The following ITGA9 variants were observed in gnomAD, a reference collection of about 807,000 sequenced individuals.
ITGA9 encodes the protein integrin subunit alpha 9.
Under a neutral mutation model 127.8 loss-of-function variants are expected in ITGA9, and 56 were observed. The observed-to-expected ratio is 0.44, with a 90% CI of 0.35 to 0.55. The LOEUF (loss-of-function observed/expected upper bound fraction) is 0.55. Ranked by LOEUF, ITGA9 falls within the 20% of genes least tolerant of loss-of-function variation. The probability of loss-of-function intolerance (pLI) is 0.00; values close to 1 mark genes in which losing one functional copy is unlikely to be tolerated. For missense variants in ITGA9, 1,196 were observed against 1,347.1 expected, an observed-to-expected ratio of 0.89 and a Z score of 1.76; for synonymous variants, 508 against 514.5, an observed-to-expected ratio of 0.99 and a Z score of 0.17.
chr3:37,664,100 G>A (rs1575184863), intron 17 of ITGA9, among the ~76,000 whole-genome samples: 1 of 152,270 alleles, frequency 6.6e-6, no homozygotes, highest in East Asian at 1.9e-4. Flanking sequence ...GTTAAAGCTT[G>A]GAATGTCTGA....
chr3:37,736,572 C>T (rs1696365362), intron 19 of ITGA9, among the ~76,000 whole-genome samples: 1 of 152,118 alleles, frequency 6.6e-6, no homozygotes, highest in Admixed American at 6.5e-5. Flanking sequence ...GAACAAATAT[C>T]CCAGGTGATG....
At chr3:37,638,683 C>T (rs907806435) in intron 16 of ITGA9, among the ~76,000 whole-genome samples, 4 of 152,162 alleles carry the variant, frequency 2.6e-5, no homozygotes, top group African/African-American at 9.7e-5. Flanking sequence ...CTTTAAATGC[C>T]TTGATCTCTT....
intron 3 of ITGA9, among the ~76,000 whole-genome samples, chr3:37,481,090 G>C (rs775351259): frequency 6.6e-6 from 1 of 152,038 alleles, no homozygotes; most frequent in Non-Finnish European, 1.5e-5. Context: ...CCTTTCTCAC[G>C]ATGTATCCTT....
intron 18 of ITGA9, among the ~76,000 whole-genome samples, chr3:37,730,116 T>G (rs2125527336): frequency 6.6e-6 from 1 of 152,332 alleles, no homozygotes; most frequent in African/African-American, 2.4e-5. Flanking sequence ...GAAACAGAGT[T>G]AGGTAAGCAT....
At chr3:37,699,512 C>T (rs936679423) in intron 18 of ITGA9, among the ~76,000 whole-genome samples, 1 of 152,178 alleles carries the variant, frequency 6.6e-6, no homozygotes, top group African/African-American at 2.4e-5. Flanking sequence ...CCATTGGTTC[C>T]ATCTTGGTCC....
chr3:37,812,127 G>T (rs1047102096), intron 27 of ITGA9, among the ~76,000 whole-genome samples: 2 of 152,182 alleles, frequency 1.3e-5, no homozygotes, highest in Non-Finnish European at 2.9e-5. Flanking sequence ...CCATGTGCTT[G>T]CACACACACC....
At chr3:37,676,795 T>C (rs1575188974) in intron 17 of ITGA9, among the ~76,000 whole-genome samples, 1 of 152,348 alleles carries the variant, frequency 6.6e-6, no homozygotes, top group East Asian at 1.9e-4. Flanking sequence ...CCTACACATA[T>C]CTACTTGCCT....
chr3:37,750,297 C>T lies in ITGA9; in HGVS notation c.2434-165C>T, dbSNP rs1696566702. Reference sequence around the variant, plus strand: ...AAGTGTTTCTATTTTGTTGAAATTTCCCGTCATTCAGTAGTTCACTTTACT... The same window carrying T: ...AAGTGTTTCTATTTTGTTGAAATTTTCCGTCATTCAGTAGTTCACTTTACT... On this transcript the variant is annotated intron_variant, in intron 22 of 27. Transcript: ENST00000264741. Among the ~76,000 whole-genome samples, 6 of 152,332 alleles carry T rather than the reference C, an allele frequency of 3.9e-5. No homozygotes were observed. The South Asian group carries it at 1.2e-3, about 32-fold the overall frequency.
chr3:37,474,157 C>T (rs544985453), intron 3 of ITGA9, among the ~76,000 whole-genome samples: 9 of 152,148 alleles, frequency 5.9e-5, no homozygotes, highest in East Asian at 3.9e-4. Context: ...TATTTTGATC[C>T]GTAGGTGCTT....
At position 37,452,825 on chromosome 3, in the gene ITGA9, G is replaced by T. The variant is rs1698210796; in HGVS notation, c.185+266G>T. Among the ~76,000 whole-genome samples, 1 of 152,156 alleles carries T rather than the reference G, an allele frequency of 6.6e-6. No homozygotes were observed. The highest frequency in any genetic ancestry group is 1.5e-5 in the Non-Finnish European group (1 of 68,006). ...TGGGGTCCCAGCCCAGAGCGTGGGG[G>T]GAGAGCCGCTAGAGTTGTCTCCTCC... On this transcript the variant is annotated intron_variant, in intron 1 of 27. Coordinates refer to ENST00000264741, the MANE Select transcript of ITGA9 (RefSeq NM_002207.3). This position sits in a 1 kb window ranked among gnomAD's most constrained non-coding sequence, Gnocchi z 7.3.
chr3:37,707,604 A>T (rs968198062), intron 18 of ITGA9, among the ~76,000 whole-genome samples: 48 of 152,214 alleles, frequency 3.2e-4, no homozygotes, highest in African/African-American at 1.1e-3. Context: ...AGGCGATGTC[A>T]GGATCACCTG....
At chr3:37,599,018 T>C (rs1484762172) in intron 15 of ITGA9, among the ~76,000 whole-genome samples, 2 of 152,060 alleles carry the variant, frequency 1.3e-5, no homozygotes, top group Non-Finnish European at 2.9e-5. Flanking sequence ...TGAAAGCAAA[T>C]GTGGTGAGAA....
At chr3:37,760,264 A>G (rs911700872) in intron 23 of ITGA9, among the ~76,000 whole-genome samples, 3 of 142,782 alleles carry the variant, frequency 2.1e-5, no homozygotes, top group African/African-American at 7.5e-5. Flanking sequence ...CTCTGTCTCA[A>G]TTTAATTAAA....
chr3:37,705,889 A>G (rs780425135), intron 18 of ITGA9, among the ~76,000 whole-genome samples: 7 of 152,184 alleles, frequency 4.6e-5, no homozygotes, highest in Admixed American at 1.3e-4. Flanking sequence ...ACCCTCATTC[A>G]CTGCTCAGTC....
rs1415066521 is a variant in ITGA9, at chr3:37,629,130, C to G, written c.1690-57C>G. The G allele has an allele frequency of 2.5e-6, 4 of 1,598,446 alleles. No individual in the cohort carries two copies. The highest frequency in any genetic ancestry group is 1.1e-5 in the South Asian group (1 of 90,642). On this transcript the variant is annotated intron_variant, in intron 15 of 27. Transcript: ENST00000264741. This position sits in a 1 kb window ranked among gnomAD's most constrained non-coding sequence, Gnocchi z 4.5. ...GAAGGTCTTTGTAAACTGTGAAATG[C>G]TCTACGACTGTCAGCCAGGATTAGT...
chr3:37,788,732 T>C (rs1697069842), intron 26 of ITGA9, among the ~76,000 whole-genome samples: 1 of 152,176 alleles, frequency 6.6e-6, no homozygotes, highest in South Asian at 2.1e-4. Flanking sequence ...CTACTTGATA[T>C]TTTTTCTCTC....
chr3:37,541,207 C>T (rs762445440), intron 14 of ITGA9, among the ~76,000 whole-genome samples: 4 of 152,172 alleles, frequency 2.6e-5, no homozygotes, highest in Admixed American at 6.5e-5. Flanking sequence ...TGCAAAGCCC[C>T]CAGATTCTAA....
chr3:37,616,517 C>G (rs1700076286), intron 15 of ITGA9, among the ~76,000 whole-genome samples: 1 of 152,122 alleles, frequency 6.6e-6, no homozygotes, highest in South Asian at 2.1e-4. Flanking sequence ...TCCTGGATAT[C>G]TTTGTTAACT....
intron 15 of ITGA9, among the ~76,000 whole-genome samples, chr3:37,558,811 C>T (rs967350736): frequency 6.6e-6 from 1 of 152,196 alleles, no homozygotes; most frequent in Non-Finnish European, 1.5e-5. Context: ...GAAACGTACT[C>T]CATTTCCAGA....
Sources: allele counts gnomAD v4.1 joint callset (sites outside exome capture counted in the v4.1 genomes callset), GRCh38; gene constraint gnomAD v4.1.1; non-coding constraint Gnocchi (gnomAD v3.1); transcripts MANE v1.5; gene names NCBI Gene and HGNC (gene_info 2026-07-23, HGNC 2026-07-21).